Variants in RBMS3 observed in about 807,000 individuals in gnomAD.
The protein encoded by RBMS3 is RNA-binding motif, single-stranded-interacting protein 3.
Under a neutral mutation model 66.8 loss-of-function variants are expected in RBMS3, and 27 were observed. The ratio of observed to expected loss-of-function variants is 0.40; its 90% CI spans 0.30 to 0.56. The LOEUF (loss-of-function observed/expected upper bound fraction) is 0.56. Among genes scored for constraint, RBMS3 ranks in the 20% least tolerant of loss-of-function variants. The pLI, the probability that RBMS3 is intolerant of heterozygous loss-of-function variation, is 0.40. For synonymous variants in RBMS3, 188 were observed against 183.0 expected, an observed-to-expected ratio of 1.03 and a Z score of -0.22; for missense variants, 513 against 549.5, an observed-to-expected ratio of 0.93 and a Z score of 0.66.
At chr3:29,489,276 A>G (rs2043438004) in intron 3 of RBMS3, among the ~76,000 whole-genome samples, 2 of 152,196 alleles carry the variant, frequency 1.3e-5, no homozygotes, top group South Asian at 2.1e-4. Context: ...ATATACAAAC[A>G]TAATGTGCAC....
chr3:29,993,287 G>A (rs1470558747), intron 14 of RBMS3, among the ~76,000 whole-genome samples: 1 of 152,108 alleles, frequency 6.6e-6, no homozygotes, highest in Non-Finnish European at 1.5e-5. Context: ...TGAAACTCCA[G>A]TCCAAGCATA....
chr3:29,505,900 T>C (rs35876), intron 3 of RBMS3, among the ~76,000 whole-genome samples: 73,732 of 151,442 alleles, frequency 0.49, 18,596 homozygotes, highest in East Asian at 0.68. Context: ...ACTTAACATA[T>C]ATTACTATAT....
chr3:29,627,710 C>G (rs1028527069), intron 4 of RBMS3, among the ~76,000 whole-genome samples: 3 of 152,096 alleles, frequency 2.0e-5, no homozygotes, highest in African/African-American at 4.8e-5. Flanking sequence ...GTGAGTTTAT[C>G]TTGGTCAGGA....
intron 4 of RBMS3, among the ~76,000 whole-genome samples, chr3:29,654,370 A>G (rs886207010): frequency 6.6e-6 from 1 of 152,166 alleles, no homozygotes; most frequent in African/African-American, 2.4e-5. Flanking sequence ...ACATGTTATC[A>G]TGTAGGCACT....
chr3:29,577,682 C>T (rs2047168391), intron 3 of RBMS3, among the ~76,000 whole-genome samples: 1 of 152,198 alleles, frequency 6.6e-6, no homozygotes, highest in Admixed American at 6.5e-5. Context: ...GCTTTGCTCT[C>T]CACTGTGGCA....
In RBMS3 at chr3:29,281,534, T is replaced by G. The variant is rs2031781975; in HGVS notation, c.-148T>G. The G allele has an allele frequency of 9.7e-6, 6 of 618,288 alleles. No individual in the cohort carries two copies. In the South Asian group the frequency reaches 1.2e-4, roughly 12 times the overall value. 38.3% of individuals were successfully genotyped at this position (618,288 alleles called of 1,614,324 possible). A position where few individuals can be genotyped will look rare whatever the true frequency, so the allele number is the denominator to read the frequency against. Reference sequence around the variant, plus strand: ...TTGTTTTGTTTTTTAAAAAAATTCTTGCTGTGTTGGAACTAGCGAGTGGTG... The same window carrying G: ...TTGTTTTGTTTTTTAAAAAAATTCTGGCTGTGTTGGAACTAGCGAGTGGTG... On this transcript the variant is annotated 5_prime_UTR_variant, in exon 1 of 15. Coordinates refer to ENST00000383767, the MANE Select transcript of RBMS3 (RefSeq NM_001003793.3).
At chr3:29,959,810 C>A (rs1435564973) in intron 12 of RBMS3, among the ~76,000 whole-genome samples, 1 of 152,106 alleles carries the variant, frequency 6.6e-6, no homozygotes, top group Non-Finnish European at 1.5e-5. Context: ...ATAAAACCAT[C>A]AGATCTCCTG....
chr3:29,582,496 G>A (rs1403290837), intron 3 of RBMS3, among the ~76,000 whole-genome samples: 1 of 152,170 alleles, frequency 6.6e-6, no homozygotes, highest in East Asian at 1.9e-4. Flanking sequence ...ATTTGAACCT[G>A]CTGCCAAGCT....
At chr3:29,415,266 T>C (rs767209015) in intron 1 of RBMS3, among the ~76,000 whole-genome samples, 16 of 152,168 alleles carry the variant, frequency 1.1e-4, no homozygotes, top group Non-Finnish European at 1.9e-4. Flanking sequence ...TATTGAGTAA[T>C]AGGTACTCAG....
chr3:29,832,507 C>T (rs1414941126), intron 6 of RBMS3, among the ~76,000 whole-genome samples: 11 of 129,964 alleles, frequency 8.5e-5, no homozygotes, highest in East Asian at 8.4e-4. Flanking sequence ...GGAATAAGAA[C>T]GGTTTCACTT....
At chr3:29,351,559 A>ATTTTTCAC (rs2036914700) in intron 1 of RBMS3, among the ~76,000 whole-genome samples, 8 of 151,892 alleles carry the variant, frequency 5.3e-5, no homozygotes, top group Admixed American at 5.2e-4. Context: ...TTCCTTACAG[A>ATTTTTCAC]TTTTTCACTT....
intron 3 of RBMS3, among the ~76,000 whole-genome samples, chr3:29,522,026 A>G (rs778941795): frequency 6.6e-6 from 1 of 152,204 alleles, no homozygotes; most frequent in Non-Finnish European, 1.5e-5. Context: ...AGTTCATTTT[A>G]CAAGACCTAG....
intron 1 of RBMS3, among the ~76,000 whole-genome samples, chr3:29,332,295 C>G (rs2035710409): frequency 6.6e-6 from 1 of 151,788 alleles, no homozygotes; most frequent in Non-Finnish European, 1.5e-5. Context: ...GACAAAACAA[C>G]AAGAAACAGT....
intron 4 of RBMS3, among the ~76,000 whole-genome samples, chr3:29,737,777 A>G (rs1174000344): frequency 6.6e-6 from 1 of 151,736 alleles, no homozygotes; most frequent in Non-Finnish European, 1.5e-5. Context: ...TTTTTTCTCT[A>G]GGACCATTAA....
intron 1 of RBMS3, among the ~76,000 whole-genome samples, chr3:29,299,797 G>T (rs2033546949): frequency 6.6e-6 from 1 of 151,670 alleles, no homozygotes; most frequent in East Asian, 2.0e-4. Flanking sequence ...TGGGGGTGGG[G>T]GTTCCTGGAA....
chr3:29,960,990 C>T (rs1696394877), intron 12 of RBMS3, among the ~76,000 whole-genome samples: 1 of 152,146 alleles, frequency 6.6e-6, no homozygotes, highest in Non-Finnish European at 1.5e-5. Flanking sequence ...CAGTTGGCTC[C>T]TCATTACTTA....
intron 4 of RBMS3, among the ~76,000 whole-genome samples, chr3:29,609,157 T>C (rs1166326171): frequency 1.3e-5 from 2 of 151,962 alleles, no homozygotes; most frequent in Non-Finnish European, 2.9e-5. Context: ...ATCTATCAAA[T>C]GAATATAAAA....
intron 3 of RBMS3, among the ~76,000 whole-genome samples, chr3:29,558,343 G>T (rs1247274664): frequency 6.6e-6 from 1 of 152,080 alleles, no homozygotes; most frequent in Non-Finnish European, 1.5e-5. Context: ...AAGAGGAAAG[G>T]GGTGGGGGAA....
At chr3:29,282,670 T>C (rs956645926) in intron 1 of RBMS3, among the ~76,000 whole-genome samples, 1 of 152,054 alleles carries the variant, frequency 6.6e-6, no homozygotes, top group Non-Finnish European at 1.5e-5. Flanking sequence ...AGTGACCACC[T>C]CGAGTGTACG....
Sources: allele counts gnomAD v4.1 joint callset (sites outside exome capture counted in the v4.1 genomes callset), GRCh38; gene constraint gnomAD v4.1.1; transcripts MANE v1.5; gene names NCBI Gene and HGNC (gene_info 2026-07-23, HGNC 2026-07-21).